PAK3: variants seen among roughly 807,000 people sequenced by gnomAD.
PAK3 encodes the protein p21 (RAC1) activated kinase 3, also known as serine/threonine-protein kinase PAK 3.
In PAK3, 4 loss-of-function variants were observed where a neutral mutation model predicts 41.0. That is an observed-to-expected ratio of 0.10 (90% CI 0.05 to 0.22). The LOEUF (loss-of-function observed/expected upper bound fraction) is 0.22. PAK3 is among the 10% of genes least tolerant of loss of function. The pLI is 1.00. For synonymous variants in PAK3, 146 were observed against 139.6 expected (o/e 1.05, Z -0.32); for missense variants, 205 against 409.9 (o/e 0.50, Z 4.32).
intron 5 of PAK3, among the ~76,000 whole-genome samples, chrX:111,141,609 A>T (rs753257231): frequency 8.9e-5 from 10 of 112,311 alleles, no homozygotes; most frequent in Non-Finnish European, 1.9e-4. Context: ...TATGGTTAAT[A>T]ATAGAAACAT....
intron 1 of PAK3, among the ~76,000 whole-genome samples, chrX:110,962,669 G>A (rs1436547379): frequency 1.8e-5 from 2 of 112,440 alleles, no homozygotes; most frequent in East Asian, 5.6e-4. Context: ...CCACATAACA[G>A]GGCCAAGCCG....
At chrX:111,050,017 T>C (rs1021090225) in intron 1 of PAK3, among the ~76,000 whole-genome samples, 4 of 111,156 alleles carry the variant, frequency 3.6e-5, no homozygotes, top group African/African-American at 1.3e-4. Context: ...GCAATAGGAG[T>C]GGGATTCCTT....
At chrX:111,163,537 T>C in intron 9 of PAK3, 25 bp from the exon 10 acceptor site, 1 of 1,153,223 alleles carries the variant, frequency 8.7e-7, no homozygotes, top group Non-Finnish European at 1.2e-6. Flanking sequence ...GCTGTTTTAA[T>C]TGCAGAGCTT....
At chrX:110,968,887 C>A (rs1279233180) in intron 1 of PAK3, among the ~76,000 whole-genome samples, 1 of 109,684 alleles carries the variant, frequency 9.1e-6, no homozygotes, top group East Asian at 2.8e-4. Flanking sequence ...TCGTGTCATG[C>A]CTAAGAACTC....
chrX:111,061,735 C>G (rs1295117088), intron 1 of PAK3, among the ~76,000 whole-genome samples: 1 of 111,164 alleles, frequency 9.0e-6, no homozygotes, highest in Non-Finnish European at 1.9e-5. Context: ...ATGATATTTG[C>G]TTTTCTATTA....
intron 1 of PAK3, among the ~76,000 whole-genome samples, chrX:110,973,890 CA>C (rs896687420): frequency 4.5e-5 from 5 of 109,980 alleles, no homozygotes; most frequent in African/African-American, 1.7e-4. Context: ...AAATGGAAAG[CA>C]AAAAAAAGCA....
intron 1 of PAK3, among the ~76,000 whole-genome samples, chrX:111,006,849 C>CTTTCTTTCTTTCTTTCTTTT (rs1556434441): frequency 1.7e-3 from 71 of 42,702 alleles, no homozygotes; most frequent in Non-Finnish European, 3.0e-3. Context: ...TTCTTTCTTT[C>CTTTCTTTCTTTCTTTCTTTT]TTTTTTTTTT....
chrX:111,003,240 A>T (rs1246293301), intron 1 of PAK3, among the ~76,000 whole-genome samples: 1 of 111,877 alleles, frequency 8.9e-6, no homozygotes, highest in Non-Finnish European at 1.9e-5. Context: ...TCACAGATAG[A>T]TACACAGAGA....
intron 1 of PAK3, among the ~76,000 whole-genome samples, chrX:111,027,497 A>G (rs1293050467): frequency 1.8e-5 from 2 of 112,053 alleles, no homozygotes; most frequent in African/African-American, 6.5e-5. Flanking sequence ...CCCATCAAAA[A>G]GTGGGCTAAG....
upstream of PAK3, among the ~76,000 whole-genome samples, chrX:111,093,230 C>T (rs188326568): frequency 4.5e-5 from 5 of 111,569 alleles, no homozygotes; most frequent in East Asian, 1.4e-3. Flanking sequence ...AAGCACTGGA[C>T]AGGTAACTTC....
chrX:111,091,545 G>C (rs1157302247), upstream of PAK3, among the ~76,000 whole-genome samples: 1 of 111,775 alleles, frequency 8.9e-6, no homozygotes, highest in Admixed American at 9.4e-5. Flanking sequence ...AGAACTCGAA[G>C]ACCCAAGAGA....
intron 1 of PAK3, among the ~76,000 whole-genome samples, chrX:110,971,453 G>A (rs1013116212): frequency 1.8e-5 from 2 of 111,949 alleles, no homozygotes; most frequent in Non-Finnish European, 3.8e-5. Context: ...ATATTGCATT[G>A]TATGCACATA....
intron 17 of PAK3, among the ~76,000 whole-genome samples, chrX:111,218,617 C>A (rs1443891527): frequency 9.0e-6 from 1 of 111,016 alleles, no homozygotes; most frequent in Non-Finnish European, 1.9e-5. Flanking sequence ...AGGAACAGAA[C>A]CTAGAAAGTG....
At chrX:110,983,770 G>A (rs1323462968) in intron 1 of PAK3, among the ~76,000 whole-genome samples, 2 of 111,143 alleles carry the variant, frequency 1.8e-5, no homozygotes, top group Non-Finnish European at 3.8e-5. Flanking sequence ...GTGGGCAGCT[G>A]GAGTTGATAC....
At chrX:111,138,606 A>G (rs778709687) in intron 5 of PAK3, among the ~76,000 whole-genome samples, 291 of 110,780 alleles carry the variant, frequency 2.6e-3, no homozygotes, top group Non-Finnish European at 4.5e-3. Flanking sequence ...AATTTGGGGG[A>G]GAGGGTAAGA....
intron 11 of PAK3, among the ~76,000 whole-genome samples, chrX:111,190,991 C>T (rs2094555710): frequency 8.9e-6 from 1 of 111,987 alleles, no homozygotes; most frequent in Non-Finnish European, 1.9e-5. Flanking sequence ...ACTGTGAATG[C>T]AGCTTACTAT....
At chrX:111,042,532 A>T (rs2092461553) in intron 1 of PAK3, among the ~76,000 whole-genome samples, 1 of 111,775 alleles carries the variant, frequency 8.9e-6, no homozygotes, top group Non-Finnish European at 1.9e-5. Context: ...TTGCACACCC[A>T]CAAGGCCAGC....
At chrX:111,136,038 G>T (rs1307399368) in intron 5 of PAK3, among the ~76,000 whole-genome samples, 2 of 110,916 alleles carry the variant, frequency 1.8e-5, no homozygotes, top group Non-Finnish European at 3.8e-5. Flanking sequence ...GAGAAGAGAA[G>T]AAGATGCTAC....
At chrX:111,000,211 G>A (rs1003467841) in intron 1 of PAK3, among the ~76,000 whole-genome samples, 18 of 111,538 alleles carry the variant, frequency 1.6e-4, no homozygotes, top group African/African-American at 5.9e-4. Flanking sequence ...GAATATGGAT[G>A]CCTGTTGGTT....
Sources: gnomAD v4.1 joint callset for allele counts (sites outside exome capture counted in the v4.1 genomes callset) on GRCh38, gnomAD v4.1.1 for gene constraint, MANE v1.5 for transcripts, NCBI Gene and HGNC (gene_info 2026-07-23, HGNC 2026-07-21) for gene names.